Variants in RYR2 observed in about 807,000 individuals in gnomAD.
The protein encoded by RYR2 is cardiac muscle ryanodine receptor-calcium release channel.
Under a neutral mutation model 601.1 loss-of-function variants are expected in RYR2, and 227 were observed. That is an observed-to-expected ratio of 0.38 (90% CI 0.34 to 0.42). RYR2 has a LOEUF of 0.42. Ranked by LOEUF, RYR2 falls within the 10% of genes least tolerant of loss-of-function variation. The pLI, the probability that RYR2 is intolerant of heterozygous loss-of-function variation, is 1.00. For missense variants in RYR2, 4,646 were observed against 6,156.5 expected (o/e 0.75, Z 8.21); for synonymous variants, 2,223 against 2,175.1 (o/e 1.02, Z -0.61).
chr1:237,461,903 A>G (rs923520221), intron 16 of RYR2, among the ~76,000 whole-genome samples: 1 of 152,094 alleles, frequency 6.6e-6, no homozygotes, highest in African/African-American at 2.4e-5. Context: ...CATCAATTTC[A>G]TGACCAGAAA....
At chr1:237,178,416 CTGTGTGT>C (rs1472625750) in intron 1 of RYR2, among the ~76,000 whole-genome samples, 1 of 129,712 alleles carries the variant, frequency 7.7e-6, no homozygotes. Flanking sequence ...AGTTAAGGCT[CTGTGTGT>C]GTGTGTGTGT....
At chr1:237,235,038 AG>A (rs1308259785) in intron 1 of RYR2, among the ~76,000 whole-genome samples, 1 of 152,158 alleles carries the variant, frequency 6.6e-6, no homozygotes, top group African/African-American at 2.4e-5. Flanking sequence ...GTCCCTTTGA[AG>A]GGTCATGATT....
rs184792193 is a variant in RYR2, at chr1:237,220,048, G to A, written c.49-50449G>A. Among the ~76,000 whole-genome samples the A allele has an allele frequency of 2.9e-3, 440 of 152,328 alleles. 2 individuals are homozygous for A. Among genetic ancestry groups the A allele is most frequent in the African/African-American group, 0.01 (423 of 41,572 alleles). On this transcript the variant is annotated intron_variant, in intron 1 of 104. Transcript: ENST00000366574. ...TTGGTTATGTGTTGATTACTGAACA[G>A]CTACTCTGATGGCCAGTTTTAGGTG...
intron 44 of RYR2, among the ~76,000 whole-genome samples, chr1:237,635,317 T>C (rs961869596): frequency 3.9e-4 from 60 of 152,226 alleles, no homozygotes; most frequent in Non-Finnish European, 8.2e-4. Context: ...CATTTTTCTA[T>C]GGAAGGAGAA....
chr1:237,339,562 A>G (rs1162065360), intron 3 of RYR2, among the ~76,000 whole-genome samples: 1 of 152,172 alleles, frequency 6.6e-6, no homozygotes, highest in East Asian at 1.9e-4. Context: ...AAATATTATT[A>G]TATAAATGGA....
intron 27 of RYR2, among the ~76,000 whole-genome samples, chr1:237,558,065 A>G (rs1671082596): frequency 6.6e-6 from 1 of 152,216 alleles, no homozygotes; most frequent in Non-Finnish European, 1.5e-5. Context: ...AAAGTACAGT[A>G]AGAGGAGCTT....
intron 60 of RYR2, among the ~76,000 whole-genome samples, chr1:237,675,659 C>T (rs1459027291): frequency 6.6e-6 from 1 of 152,122 alleles, no homozygotes; most frequent in African/African-American, 2.4e-5. Flanking sequence ...CAACACCTTT[C>T]CTCTGGGACC....
chr1:237,153,577 C>G (rs1028783895), intron 1 of RYR2, among the ~76,000 whole-genome samples: 8 of 150,220 alleles, frequency 5.3e-5, no homozygotes, highest in Non-Finnish European at 1.0e-4. Context: ...TATAGATAGT[C>G]TGGGGGATGT....
At chr1:237,392,996 AATGT>A (rs1161528180) in intron 10 of RYR2, among the ~76,000 whole-genome samples, 1 of 152,186 alleles carries the variant, frequency 6.6e-6, no homozygotes, top group Non-Finnish European at 1.5e-5. Flanking sequence ...TTTATTTCTA[AATGT>A]ATACACTTAC....
At chr1:237,261,088 C>T in intron 1 of RYR2, among the ~76,000 whole-genome samples, 1 of 152,314 alleles carries the variant, frequency 6.6e-6, no homozygotes, top group East Asian at 1.9e-4. Context: ...ATGTCAAAAG[C>T]AATGATGGGA....
intron 34 of RYR2, 101 bp downstream of exon 34, chr1:237,595,758 T>C: frequency 1.5e-6 from 2 of 1,358,042 alleles, no homozygotes; most frequent in South Asian, 1.6e-5. Flanking sequence ...AATAGACACA[T>C]GTACATGTGC....
Position 237,548,479 on chromosome 1 carries a change from T to C in RYR2, c.2955T>C (p.Phe985=), listed in dbSNP as rs1238045635. ...AGCCTGCCCCTATGGACCTGAGCTT[T>C]ATCAAACTCACCCCATCACAAGAAG... ...GYKPAPMDLS[F]IKLTPSQEAM... Residue 985 remains phenylalanine (F), a synonymous_variant, in exon 26 of 105, where the codon TTT becomes TTC. Transcript: ENST00000366574. 1 of 1,613,882 alleles carries C rather than the reference T, an allele frequency of 6.2e-7. No individual in the cohort carries two copies. Among genetic ancestry groups the C allele is most frequent in the Non-Finnish European group, 8.5e-7 (1 of 1,179,882 alleles).
In RYR2 at chr1:237,456,831, A is replaced by G. The variant is rs570932647; in HGVS notation, c.1612+96A>G. The G allele has an allele frequency of 4.4e-6, 6 of 1,375,710 alleles. No individual in the cohort carries two copies. The African/African-American group carries it at 7.2e-5, about 16-fold the overall frequency. 85.2% of individuals were successfully genotyped at this position (1,375,710 alleles called of 1,614,324 possible). On this transcript the variant is annotated intron_variant, in intron 16 of 104. Transcript: ENST00000366574. The stretch of plus-strand genomic sequence containing the variant: ...ATGGCTCATGCCTGTAATTCCAGCA[A>G]TTTGGGAGGCTGAGGTGGGAGGATC...
intron 79 of RYR2, among the ~76,000 whole-genome samples, chr1:237,741,540 C>T (rs1691607709): frequency 6.6e-6 from 1 of 152,128 alleles, no homozygotes. Context: ...TATTATACTA[C>T]AGACCATAAT....
intron 100 of RYR2, among the ~76,000 whole-genome samples, chr1:237,812,817 T>G (rs1661387403): frequency 6.6e-6 from 1 of 152,096 alleles, no homozygotes; most frequent in Admixed American, 6.5e-5. Flanking sequence ...TTGGCCCACC[T>G]GCCCACTTCT....
chr1:237,553,315 T>C (rs1450478424), intron 27 of RYR2, among the ~76,000 whole-genome samples: 1 of 152,038 alleles, frequency 6.6e-6, no homozygotes, highest in African/African-American at 2.4e-5. Context: ...CAGCACCATT[T>C]GTTGGAACAA....
At chr1:237,623,700 C>A in intron 38 of RYR2, 65 bp from the exon 39 acceptor site, 1 of 1,068,826 alleles carries the variant, frequency 9.4e-7, no homozygotes, top group Non-Finnish European at 1.4e-6. Flanking sequence ...CCCTGCTGTG[C>A]CATTCTTGAA....
intron 1 of RYR2, among the ~76,000 whole-genome samples, chr1:237,194,008 T>C (rs971294731): frequency 1.3e-5 from 2 of 152,236 alleles, no homozygotes; most frequent in African/African-American, 4.8e-5. Context: ...AGAAACAGAA[T>C]CCTTTTGATG....
rs1312571141 is a variant in RYR2, at chr1:237,833,212, G to A, written c.*565G>A. On this transcript the variant is annotated 3_prime_UTR_variant, in exon 105 of 105. Coordinates refer to ENST00000366574, the MANE Select transcript of RYR2 (RefSeq NM_001035.3). ...TTCTTTTCTTAGATTGATTTTGTGA[G>A]GTTTTTTTTTTTTCCTTTAGTCTTT... 6.7e-6 allele frequency: 1 copy of A among 150,130 alleles called. No homozygotes were observed. Among genetic ancestry groups the A allele is most frequent in the African/African-American group, 2.5e-5 (1 of 40,784 alleles). The allele number at this position is 150,130 out of a possible 1,614,324, so 9.3% of individuals were successfully genotyped here. A position where few individuals can be genotyped will look rare whatever the true frequency, so the allele number is the denominator to read the frequency against.
Sources: allele counts gnomAD v4.1 joint callset (sites outside exome capture counted in the v4.1 genomes callset), GRCh38; gene constraint gnomAD v4.1.1; transcripts MANE v1.5; gene names NCBI Gene and HGNC (gene_info 2026-07-23, HGNC 2026-07-21).